The following ZNF569 variants were observed in gnomAD, a reference collection of about 807,000 sequenced individuals.
ZNF569 encodes zinc finger protein 569.
A neutral mutation model predicts 56.3 loss-of-function variants in ZNF569; 38 were observed. The ratio of observed to expected loss-of-function variants is 0.68; its 90% CI spans 0.52 to 0.88. ZNF569 has a LOEUF of 0.88. Among genes scored for constraint, ZNF569 ranks in the 40% least tolerant of loss-of-function variants. ZNF569 has a pLI of 0.00. For missense variants in ZNF569, 666 were observed against 809.2 expected, an observed-to-expected ratio of 0.82 and a Z score of 2.15; for synonymous variants, 241 against 262.9, an observed-to-expected ratio of 0.92 and a Z score of 0.81.
intron 3 of ZNF569, among the ~76,000 whole-genome samples, chr19:37,428,990 T>C (rs1430971776): frequency 1.3e-5 from 2 of 152,038 alleles, no homozygotes; most frequent in African/African-American, 2.4e-5. Context: ...TTTAAATTCA[T>C]AATGAAATGA....
intron 2 of ZNF569, among the ~76,000 whole-genome samples, chr19:37,447,628 T>C (rs1413073068): frequency 1.3e-5 from 2 of 152,200 alleles, no homozygotes; most frequent in Non-Finnish European, 2.9e-5. Context: ...TCCAGTACAA[T>C]AGTGACTATT....
Position 37,411,176 on chromosome 19 carries a change from T to C in ZNF569, c.*1421A>G, listed in dbSNP as rs950845992. The C allele has an allele frequency of 5.3e-5, 8 of 152,142 alleles. No individual in the cohort carries two copies. The highest frequency in any genetic ancestry group is 1.9e-4 in the African/African-American group (8 of 41,426). 9.4% of individuals were successfully genotyped at this position (152,142 alleles called of 1,614,324 possible). On this transcript the variant is annotated 3_prime_UTR_variant, in exon 6 of 6. Coordinates refer to ENST00000316950, the MANE Select transcript of ZNF569 (RefSeq NM_152484.3). Reference sequence around the variant, plus strand: ...GTCATATTTGCTTTCACTCTTTTATTAAAGAAATATTACAGATAAATATAA... The same window carrying C: ...GTCATATTTGCTTTCACTCTTTTATCAAAGAAATATTACAGATAAATATAA...
chr19:37,429,573 C>G (rs1016008656), intron 3 of ZNF569, among the ~76,000 whole-genome samples: 4 of 152,180 alleles, frequency 2.6e-5, no homozygotes, highest in Non-Finnish European at 4.4e-5. Context: ...GGATGGTGCT[C>G]GAATCCTCTT....
At chr19:37,437,064 T>C (rs1346895711) in intron 3 of ZNF569, among the ~76,000 whole-genome samples, 4 of 148,108 alleles carry the variant, frequency 2.7e-5, no homozygotes, top group African/African-American at 9.9e-5. Context: ...TTGCTGAACA[T>C]TGATGCAAAA....
intron 2 of ZNF569, among the ~76,000 whole-genome samples, chr19:37,464,083 G>A (rs4801759): frequency 0.21 from 31,404 of 151,976 alleles, 3,449 homozygotes; most frequent in South Asian, 0.32. Context: ...CTAAGTGTAC[G>A]GTGTTTATAG....
chr19:37,468,725 C>T (rs924670607), upstream of ZNF569, among the ~76,000 whole-genome samples: 2 of 152,198 alleles, frequency 1.3e-5, no homozygotes. Flanking sequence ...TCAGGCTGGT[C>T]TCGAACTCCT....
chr19:37,431,836 A>G (rs1377395793), intron 3 of ZNF569, among the ~76,000 whole-genome samples: 3 of 151,966 alleles, frequency 2.0e-5, no homozygotes, highest in African/African-American at 7.3e-5. Flanking sequence ...GGCAACATTC[A>G]CCACAAGCTG....
intron 2 of ZNF569, among the ~76,000 whole-genome samples, chr19:37,450,740 C>T (rs1179124071): frequency 6.6e-6 from 1 of 152,040 alleles, no homozygotes; most frequent in Non-Finnish European, 1.5e-5. Context: ...GATCTTTCTT[C>T]TTTTATCAGG....
upstream of ZNF569, chr19:37,468,916 T>G: frequency 7.7e-6 from 2 of 260,522 alleles, no homozygotes; most frequent in Non-Finnish European, 1.2e-5. Context: ...TCCAGCACAA[T>G]TCTAGGAATT....
At chr19:37,433,067 CTAAG>C (rs2041251912) in intron 3 of ZNF569, among the ~76,000 whole-genome samples, 1 of 151,896 alleles carries the variant, frequency 6.6e-6, no homozygotes, top group Admixed American at 6.6e-5. Flanking sequence ...CCATACCTAA[CTAAG>C]TTTTTAATGT....
At position 37,413,718 on chromosome 19, in the gene ZNF569, T is replaced by C. The variant is rs781378236; in HGVS notation, c.940A>G (p.Ile314Val). The C allele has an allele frequency of 6.2e-7, 1 of 1,613,766 alleles. No homozygotes were observed. Among genetic ancestry groups the C allele is most frequent in the Middle Eastern group, 1.7e-4 (1 of 6,056 alleles). Residue 314 changes from isoleucine (I) to valine (V), a missense_variant, in exon 6 of 6, where the codon ATT becomes GTT. By Grantham distance (29) the Ile-to-Val change is conservative. Transcript: ENST00000316950. ...GKAFSQKQSLIAHQKVHTGEK... is the reference protein window; with the variant it reads ...GKAFSQKQSLVAHQKVHTGEK... Reference sequence around the variant, plus strand: ...CCAGTATGAACTTTCTGATGTGCAATGAGGCTTTGCTTCTGGCTGAATGCT... The same window carrying C: ...CCAGTATGAACTTTCTGATGTGCAACGAGGCTTTGCTTCTGGCTGAATGCT...
intron 2 of ZNF569, among the ~76,000 whole-genome samples, chr19:37,458,556 T>A (rs1478435578): frequency 2.0e-5 from 3 of 152,214 alleles, no homozygotes; most frequent in Admixed American, 1.3e-4. Context: ...TCTATGTAGA[T>A]CTATTTGTAC....
intron 2 of ZNF569, among the ~76,000 whole-genome samples, chr19:37,458,542 T>G (rs868301527): frequency 1.1e-4 from 17 of 152,202 alleles, no homozygotes; most frequent in African/African-American, 3.9e-4. Context: ...GATTGGGATA[T>G]CCGTCTATGT....
upstream of ZNF569, among the ~76,000 whole-genome samples, chr19:37,468,650 C>T (rs971871440): frequency 6.2e-4 from 94 of 152,302 alleles, no homozygotes; most frequent in African/African-American, 2.1e-3. Context: ...GGACTTAAGG[C>T]GCGTGCCACC....
chr19:37,432,411 A>G (rs2041241030), intron 3 of ZNF569, among the ~76,000 whole-genome samples: 2 of 152,210 alleles, frequency 1.3e-5, no homozygotes, highest in Non-Finnish European at 2.9e-5. Flanking sequence ...AGGACCATCA[A>G]GGTGGTACCT....
chr19:37,439,364 C>T (rs892867111), intron 3 of ZNF569, among the ~76,000 whole-genome samples: 1 of 152,162 alleles, frequency 6.6e-6, no homozygotes, highest in Non-Finnish European at 1.5e-5. Flanking sequence ...AGTCACCATG[C>T]CCGGCCTTAG....
intron 3 of ZNF569, among the ~76,000 whole-genome samples, chr19:37,439,901 C>T (rs568777342): frequency 6.6e-6 from 1 of 152,174 alleles, no homozygotes; most frequent in East Asian, 1.9e-4. Context: ...TGGTTACCAG[C>T]AGCTAGGAAG....
At chr19:37,462,797 CTCAT>C (rs2041775827) in intron 2 of ZNF569, among the ~76,000 whole-genome samples, 1 of 152,130 alleles carries the variant, frequency 6.6e-6, no homozygotes. Context: ...TCTAAGTGAC[CTCAT>C]TCAGTCTCGT....
In ZNF569 at chr19:37,413,003, CAT is replaced by C; in HGVS notation, c.1653_1654del (p.Cys552Ter). ...AGAGAAGGCTTTACCACATTTATCA[CAT>C]TCATAAGGCTTTTCCCCTGTATGAC... On this transcript the variant is annotated frameshift_variant, in exon 6 of 6. Coordinates refer to ENST00000316950, the MANE Select transcript of ZNF569 (RefSeq NM_152484.3). LOFTEE classifies it high-confidence loss of function. 2 of 1,613,770 alleles carry C rather than the reference CAT, an allele frequency of 1.2e-6. No individual in the cohort carries two copies. Among genetic ancestry groups the C allele is most frequent in the Non-Finnish European group, 8.5e-7 (1 of 1,179,838 alleles).
Sources: gnomAD v4.1 joint callset for allele counts (sites outside exome capture counted in the v4.1 genomes callset) on GRCh38, gnomAD v4.1.1 for gene constraint, MANE v1.5 for transcripts, NCBI Gene and HGNC (gene_info 2026-07-23, HGNC 2026-07-21) for gene names.